CYP4X1: variants seen among roughly 807,000 people sequenced by gnomAD.
The protein encoded by CYP4X1 is cytochrome P450 4X1.
A neutral mutation model predicts 57.9 loss-of-function variants in CYP4X1; 44 were observed. The observed-to-expected ratio is 0.76, with a 90% CI of 0.60 to 0.98. The LOEUF (loss-of-function observed/expected upper bound fraction) is 0.98, where lower values mean the gene tolerates loss of function less well. Ranked by LOEUF, CYP4X1 falls within the 50% of genes least tolerant of loss-of-function variation. The pLI is 0.00. For missense variants in CYP4X1, 532 were observed against 623.9 expected (o/e 0.85, Z 1.57); for synonymous variants, 227 against 228.6 (o/e 0.99, Z 0.06).
chr1:46,966,389 AC>A, the CYP4X1 span, among the ~76,000 whole-genome samples: 1 of 152,002 alleles, frequency 6.6e-6, no homozygotes, highest in Non-Finnish European at 1.5e-5. Flanking sequence ...TGTGTATCTG[AC>A]CCAAGGCCCT....
At chr1:47,011,185 G>A in the CYP4X1 span, among the ~76,000 whole-genome samples, 4 of 152,158 alleles carry the variant, frequency 2.6e-5, no homozygotes, top group African/African-American at 9.7e-5. Context: ...AACCAAAACA[G>A]CATGGTACTG....
the CYP4X1 span, chr1:47,001,049 C>A: frequency 4.3e-6 from 1 of 233,066 alleles, no homozygotes; most frequent in South Asian, 8.0e-5. Context: ...ACCTTAAGCT[C>A]GTTCATGGCA....
chr1:47,022,343 T>C (rs1319402854), upstream of CYP4X1, among the ~76,000 whole-genome samples: 1 of 131,086 alleles, frequency 7.6e-6, no homozygotes. Flanking sequence ...CAGGCTGGAG[T>C]GCAGTGGCGC....
chr1:47,044,787 T>C lies in CYP4X1; in HGVS notation c.1074-1680T>C, dbSNP rs575410170. On this transcript the variant is annotated intron_variant, in intron 8 of 11. Coordinates refer to ENST00000371901, the MANE Select transcript of CYP4X1 (RefSeq NM_178033.2). ...TGATTGAAATGGACAAAATTGTTTT[T>C]TTAATTATGCAAAGTGCCAGGGTAA... Among the ~76,000 whole-genome samples the C allele has an allele frequency of 9.7e-4, 147 of 152,302 alleles. 2 individuals are homozygous for C. The South Asian group carries it at 0.029, about 30-fold the overall frequency.
At chr1:47,032,505 T>A (rs896914461) in intron 3 of CYP4X1, among the ~76,000 whole-genome samples, 2 of 152,192 alleles carry the variant, frequency 1.3e-5, no homozygotes, top group Non-Finnish European at 2.9e-5. Context: ...GAGTGACAGA[T>A]CATGCATCAT....
chr1:47,054,509 C>A (rs1210381445), downstream of CYP4X1, among the ~76,000 whole-genome samples: 1 of 151,792 alleles, frequency 6.6e-6, no homozygotes, highest in African/African-American at 2.4e-5. Context: ...TTACCTTGGG[C>A]AGTATGGCCA....
chr1:47,041,519 T>G (rs1202739700), intron 8 of CYP4X1, among the ~76,000 whole-genome samples: 3 of 152,188 alleles, frequency 2.0e-5, no homozygotes, highest in Non-Finnish European at 4.4e-5. Context: ...TAATTTACGT[T>G]TCCCTGATGA....
At chr1:47,048,681 T>C (rs1045409808) in intron 10 of CYP4X1, 52 bp downstream of exon 10, 2 of 1,533,034 alleles carry the variant, frequency 1.3e-6, no homozygotes, top group African/African-American at 2.8e-5. Flanking sequence ...GCTGTGCAAG[T>C]CACTTTTTGG....
In CYP4X1 at chr1:47,049,480, A is replaced by G. The variant is rs763600107; in HGVS notation, c.1331A>G (p.Tyr444Cys). The change falls in exon 11 of 12, where the codon TAC (tyrosine) becomes TGC (cysteine). Residue 444 changes from tyrosine to cysteine, a missense_variant. Transcript: ENST00000371901. Reference protein sequence around the residue: ...ENSDQRHPYAYLPFSAGSRNC... With the variant: ...ENSDQRHPYACLPFSAGSRNC... ...TCTGATCAGAGACACCCCTATGCCT[A>G]CTTACCATTCTCAGCTGGATCAAGG... The G allele has an allele frequency of 6.2e-7, 1 of 1,614,082 alleles. No homozygotes were observed. Among genetic ancestry groups the G allele is most frequent in the South Asian group, 1.1e-5 (1 of 91,080 alleles).
At chr1:47,045,450 C>T (rs1445280193) in intron 8 of CYP4X1, among the ~76,000 whole-genome samples, 1 of 152,184 alleles carries the variant, frequency 6.6e-6, no homozygotes, top group East Asian at 1.9e-4. Flanking sequence ...ATTTAAATCA[C>T]AAGAACAATC....
chr1:46,984,347 T>A, the CYP4X1 span, among the ~76,000 whole-genome samples: 2 of 134,016 alleles, frequency 1.5e-5, no homozygotes, highest in African/African-American at 5.7e-5. Context: ...ACTGAAGAAC[T>A]AGTGTTTAAC....
the CYP4X1 span, among the ~76,000 whole-genome samples, chr1:47,000,386 C>T: frequency 2.0e-5 from 3 of 151,966 alleles, no homozygotes; most frequent in South Asian, 4.2e-4. Context: ...TAAATACAAG[C>T]GGCCAGTAAT....
downstream of CYP4X1, among the ~76,000 whole-genome samples, chr1:47,054,078 C>A (rs1644377007): frequency 6.6e-6 from 1 of 151,514 alleles, no homozygotes; most frequent in Admixed American, 6.6e-5. Context: ...TTTAATCCAT[C>A]TTGAATTAAT....
chr1:47,009,719 T>C, the CYP4X1 span, among the ~76,000 whole-genome samples: 6 of 152,030 alleles, frequency 3.9e-5, no homozygotes, highest in Non-Finnish European at 7.4e-5. Context: ...TAAAAAGTGA[T>C]AAAGGGGATA....
At chr1:47,031,350 G>A in intron 2 of CYP4X1, 86 bp from the exon 3 acceptor site, 1 of 1,509,008 alleles carries the variant, frequency 6.6e-7, no homozygotes, top group Non-Finnish European at 9.1e-7. Flanking sequence ...GGTTGGTGCA[G>A]AAATGCAGAA....
downstream of CYP4X1, among the ~76,000 whole-genome samples, chr1:47,055,106 T>A (rs1210731289): frequency 6.6e-6 from 1 of 152,224 alleles, no homozygotes; most frequent in African/African-American, 2.4e-5. Flanking sequence ...CAATACCTAA[T>A]TTATTTAGAG....
chr1:46,989,938 T>C, the CYP4X1 span, among the ~76,000 whole-genome samples: 11 of 152,256 alleles, frequency 7.2e-5, no homozygotes, highest in Non-Finnish European at 1.6e-4. Flanking sequence ...CCCCAAACCA[T>C]AAAAACTCTA....
Position 47,050,346 on chromosome 1 carries a change from G to A in CYP4X1, c.*172G>A. On this transcript the variant is annotated 3_prime_UTR_variant, in exon 12 of 12. Transcript: ENST00000371901. Reference sequence around the variant, plus strand: ...TTCTAGGTACACAGTGTGTCAGCTAGATCTGTTTCTATATAACTTTGGGAG... The same window carrying A: ...TTCTAGGTACACAGTGTGTCAGCTAAATCTGTTTCTATATAACTTTGGGAG... 1 of 639,954 alleles carries A rather than the reference G, an allele frequency of 1.6e-6. No homozygotes were observed. Among genetic ancestry groups the A allele is most frequent in the South Asian group, 2.0e-5 (1 of 49,042 alleles). The allele number at this position is 639,954 out of a possible 1,614,324, so 39.6% of individuals were successfully genotyped here. A position where few individuals can be genotyped will look rare whatever the true frequency, so the allele number is the denominator to read the frequency against.
chr1:47,027,205 A>G (rs1313367028), intron 1 of CYP4X1, among the ~76,000 whole-genome samples: 3 of 150,872 alleles, frequency 2.0e-5, no homozygotes, highest in African/African-American at 7.3e-5. Context: ...AGAGGTTTCT[A>G]TCAGAATTTT....
Sources: allele counts gnomAD v4.1 joint callset (sites outside exome capture counted in the v4.1 genomes callset), GRCh38; gene constraint gnomAD v4.1.1; transcripts MANE v1.5; gene names NCBI Gene and HGNC (gene_info 2026-07-23, HGNC 2026-07-21).